ATG13: variants seen among roughly 807,000 people sequenced by gnomAD.
ATG13 encodes autophagy-related protein 13.
A neutral mutation model predicts 65.5 loss-of-function variants in ATG13; 23 were observed. The observed-to-expected ratio is 0.35, with a 90% CI of 0.25 to 0.50. The LOEUF is 0.50. Among genes scored for constraint, ATG13 ranks in the 20% least tolerant of loss-of-function variants. ATG13 has a pLI of 0.98. For missense variants in ATG13, 566 were observed against 677.0 expected (o/e 0.84, Z 1.82); for synonymous variants, 252 against 245.2 (o/e 1.03, Z -0.26).
At chr11:46,633,530 A>G (rs1255231955) in intron 2 of ATG13, among the ~76,000 whole-genome samples, 1 of 151,060 alleles carries the variant, frequency 6.6e-6, no homozygotes, top group Non-Finnish European at 1.5e-5. Context: ...TATTTTTAGT[A>G]GAGACGGGGT....
chr11:46,659,484 A>T lies in ATG13; in HGVS notation c.788A>T (p.Gln263Leu). The change falls in exon 11 of 19, where the codon CAG becomes CTG. Residue 263 changes from glutamine to leucine, a missense_variant and splice_region_variant. By Grantham distance (113) the Gln-to-Leu change is moderately radical. Around this residue, in one of 2 missense-constraint regions of ATG13, gnomAD observed 387 missense variants for 409.8 expected, o/e 0.94. Transcript: ENST00000683050. Reference protein sequence around the residue: ...TTSFSTSPPSQCVFTVTKAHF... With the variant: ...TTSFSTSPPSLCVFTVTKAHF... ...TCTTTTTCCACCTCCCCACCATCCC[A>T]GGTAGGGGGAAGCAGGTTCTGGGGT... 1 of 1,611,500 alleles carries T rather than the reference A, an allele frequency of 6.2e-7. No individual in the cohort carries two copies. The highest frequency in any genetic ancestry group is 8.5e-7 in the Non-Finnish European group (1 of 1,177,598).
intron 11 of ATG13, 151 bp downstream of exon 11, chr11:46,659,636 G>A: frequency 1.7e-6 from 1 of 581,372 alleles, no homozygotes; most frequent in African/African-American, 1.9e-5. Context: ...GAGCCTTCTT[G>A]TCCAGAAGAT....
At chr11:46,658,883 G>A (rs2060578083) in intron 10 of ATG13, among the ~76,000 whole-genome samples, 1 of 152,112 alleles carries the variant, frequency 6.6e-6, no homozygotes, top group Admixed American at 6.6e-5. Flanking sequence ...AATAGGTCAG[G>A]TAAGATGTTT....
chr11:46,655,452 A>G (rs1262287929), intron 7 of ATG13, among the ~76,000 whole-genome samples: 1 of 151,996 alleles, frequency 6.6e-6, no homozygotes, highest in Non-Finnish European at 1.5e-5. Flanking sequence ...ATGCGTCTGT[A>G]ATCCCAGCTA....
At chr11:46,636,220 T>C (rs1285722272) in intron 2 of ATG13, among the ~76,000 whole-genome samples, 2 of 152,164 alleles carry the variant, frequency 1.3e-5, no homozygotes, top group African/African-American at 2.4e-5. Flanking sequence ...TTATTTCTCC[T>C]TCATTGACTT....
chr11:46,665,247 TC>T, intron 13 of ATG13, 135 bp from the exon 14 acceptor site: 4 of 1,113,900 alleles, frequency 3.6e-6, no homozygotes, highest in Non-Finnish European at 5.2e-6. Flanking sequence ...AGGATAAAGA[TC>T]CAGGGATTGC....
intron 14 of ATG13, 26 bp downstream of exon 14, chr11:46,665,545 C>A: frequency 6.2e-7 from 1 of 1,611,804 alleles, no homozygotes; most frequent in Non-Finnish European, 8.5e-7. Flanking sequence ...GGCTCTGTCT[C>A]TGGTAAGGCT....
intron 13 of ATG13, 101 bp downstream of exon 13, chr11:46,665,060 C>A: frequency 8.4e-7 from 1 of 1,189,982 alleles, no homozygotes; most frequent in Non-Finnish European, 1.2e-6. Context: ...GTTCTAAGTG[C>A]TATATTCTGA....
At chr11:46,645,551 C>A in intron 4 of ATG13, 132 bp downstream of exon 4, 2 of 820,052 alleles carry the variant, frequency 2.4e-6, no homozygotes. Flanking sequence ...CCATTTGATC[C>A]ATTTACTTGA....
intron 6 of ATG13, 93 bp downstream of exon 6, chr11:46,649,276 G>A: frequency 7.0e-7 from 1 of 1,432,822 alleles, no homozygotes; most frequent in African/African-American, 1.4e-5. Flanking sequence ...TCAGAGTCAG[G>A]GAGGGCATTC....
At chr11:46,623,196 A>C (rs1008686747) in intron 1 of ATG13, among the ~76,000 whole-genome samples, 1 of 151,866 alleles carries the variant, frequency 6.6e-6, no homozygotes, top group Non-Finnish European at 1.5e-5. Context: ...CTGGAGGCTG[A>C]GGCAGGAGAA....
chr11:46,668,808 T>C lies in ATG13; in HGVS notation c.1344T>C (p.Asp448=). ...EDTDPMVNPP[D]SPETESPLQG... ...CTATGAAACAGGTGAATCCTCCAGA[T>C]TCCCCAGAGACTGAATCTCCTCTCC... Residue 448 remains aspartate, a synonymous_variant, in exon 17 of 19, where the codon GAT becomes GAC. Coordinates refer to ENST00000683050, the MANE Select transcript of ATG13 (RefSeq NM_001346311.2). 1 of 1,613,530 alleles carries C rather than the reference T, an allele frequency of 6.2e-7. No homozygotes were observed. Among genetic ancestry groups the C allele is most frequent in the Middle Eastern group, 1.7e-4 (1 of 6,060 alleles).
chr11:46,665,597 A>AT, intron 14 of ATG13, 78 bp downstream of exon 14: 1 of 1,534,622 alleles, frequency 6.5e-7, no homozygotes, highest in Non-Finnish European at 8.9e-7. Flanking sequence ...CTTATTTAGA[A>AT]TTAGTAAAGA....
At chr11:46,671,440 A>T (rs546416812) in intron 18 of ATG13, among the ~76,000 whole-genome samples, 2 of 152,196 alleles carry the variant, frequency 1.3e-5, no homozygotes, top group Non-Finnish European at 2.9e-5. Flanking sequence ...CAGCTGGTAT[A>T]AAGATAACAG....
chr11:46,672,503 G>T lies in ATG13; in HGVS notation c.*171G>T. The T allele has an allele frequency of 1.4e-6, 2 of 1,481,116 alleles. No individual in the cohort carries two copies. Among genetic ancestry groups the T allele is most frequent in the South Asian group, 1.3e-5 (1 of 75,490 alleles). The allele number at this position is 1,481,116 out of a possible 1,614,324, so 91.7% of individuals were successfully genotyped here. A position where few individuals can be genotyped will look rare whatever the true frequency, so the allele number is the denominator to read the frequency against. ...TACTCTTGGACCTCCTGGAGACTCCGTGGCGGCAGTCAAGCCCAGTGCCCA... is the reference window on the plus strand; with the variant it reads ...TACTCTTGGACCTCCTGGAGACTCCTTGGCGGCAGTCAAGCCCAGTGCCCA... On this transcript the variant is annotated 3_prime_UTR_variant, in exon 19 of 19. Transcript: ENST00000683050.
rs2058654632 is a variant in ATG13, at chr11:46,650,427, T to C, written c.458+110T>C. On this transcript the variant is annotated intron_variant, in intron 7 of 18. Transcript: ENST00000683050. The stretch of plus-strand genomic sequence containing the variant: ...TGTTTTGGACAGTTGGTTGGTTTGT[T>C]GGATTATTGATGCTGTCGCTTTCAT... The C allele has an allele frequency of 2.0e-5, 28 of 1,401,388 alleles. No individual in the cohort carries two copies. In the East Asian group the frequency reaches 6.5e-4, roughly 33 times the overall value. 86.8% of individuals were successfully genotyped at this position (1,401,388 alleles called of 1,614,324 possible).
At chr11:46,650,026 A>G in intron 6 of ATG13, 151 bp from the exon 7 acceptor site, 3 of 798,194 alleles carry the variant, frequency 3.8e-6, no homozygotes, top group Non-Finnish European at 5.5e-6. Flanking sequence ...AGTACATGAG[A>G]AAGTAAAACA....
intron 3 of ATG13, 69 bp from the exon 4 acceptor site, chr11:46,645,270 A>G: frequency 7.2e-7 from 1 of 1,394,162 alleles, no homozygotes; most frequent in Non-Finnish European, 9.9e-7. Context: ...TTTAACCCTG[A>G]TCGGGAGCCA....
chr11:46,669,029 G>A, intron 17 of ATG13, 119 bp downstream of exon 17: 1 of 871,468 alleles, frequency 1.1e-6, no homozygotes, highest in Non-Finnish European at 1.8e-6. Context: ...TAGACAGAAG[G>A]GATGGACAGG....
Sources: allele counts gnomAD v4.1 joint callset (sites outside exome capture counted in the v4.1 genomes callset), GRCh38; gene constraint gnomAD v4.1.1; regional missense constraint gnomAD v4.1.1; transcripts MANE v1.5; gene names NCBI Gene and HGNC (gene_info 2026-07-23, HGNC 2026-07-21).